The following TP63 variants were observed in gnomAD, a reference collection of about 807,000 sequenced individuals.
The protein encoded by TP63 is tumor protein p63, also known as tumor protein 63.
In TP63, 17 loss-of-function variants were observed where a neutral mutation model predicts 82.8. That is an observed-to-expected ratio of 0.21 (90% CI 0.14 to 0.31). The LOEUF (loss-of-function observed/expected upper bound fraction) is 0.31. Ranked by LOEUF, TP63 falls within the 10% of genes least tolerant of loss-of-function variation. The pLI is 1.00. For missense variants in TP63, 648 were observed against 895.3 expected (o/e 0.72, Z 3.52); for synonymous variants, 330 against 321.7 (o/e 1.03, Z -0.28).
intron 3 of TP63, among the ~76,000 whole-genome samples, chr3:189,763,536 G>A (rs187183698): frequency 1.6e-3 from 250 of 152,294 alleles, no homozygotes; most frequent in South Asian, 9.1e-3. Context: ...TCATGTCAAG[G>A]TAGAGATTGC....
rs76772529 is a variant in TP63, at chr3:189,757,370, G to T, written c.324+18596G>T. Among the ~76,000 whole-genome samples the T allele has an allele frequency of 1.7e-3, 262 of 152,234 alleles. 1 individual carries two copies. In the East Asian group the frequency reaches 0.031, roughly 18 times the overall value. ...GTTATTCAGTATTTGGGTGACCTTG[G>T]GTGAATTACAGAATGTTTCTAAGCC... is the stretch of plus-strand genomic sequence containing the variant. On this transcript the variant is annotated intron_variant, in intron 3 of 13. Coordinates refer to ENST00000264731, the MANE Select transcript of TP63 (RefSeq NM_003722.5).
At chr3:189,786,073 G>A (rs77999853) in intron 3 of TP63, among the ~76,000 whole-genome samples, 18,714 of 151,722 alleles carry the variant, frequency 0.12, 1,245 homozygotes, top group East Asian at 0.32. Flanking sequence ...TTTTCACATA[G>A]GGATGTCAAA....
intron 4 of TP63, among the ~76,000 whole-genome samples, chr3:189,820,027 G>C (rs1728636255): frequency 6.6e-6 from 1 of 152,278 alleles, no homozygotes; most frequent in Middle Eastern, 3.4e-3. Flanking sequence ...GGGATTACAG[G>C]CATGAGCCAC....
At chr3:189,773,805 C>A (rs1329848720) in intron 3 of TP63, among the ~76,000 whole-genome samples, 1 of 151,776 alleles carries the variant, frequency 6.6e-6, no homozygotes, top group African/African-American at 2.4e-5. Context: ...TCAGATCTAA[C>A]CACCCATGCT....
intron 4 of TP63, among the ~76,000 whole-genome samples, chr3:189,815,533 A>G (rs1160311757): frequency 1.3e-5 from 2 of 152,032 alleles, no homozygotes; most frequent in Admixed American, 6.5e-5. Context: ...CACAATATTA[A>G]CTCTTAAATA....
In TP63 at chr3:189,839,060, A is replaced by G. The variant is rs1468840956; in HGVS notation, c.580-25172A>G. ...TAAGCTAAAAAAAAAAAAAAAAAAAAAAAAGAAAAAGAAAAAGTAGATTTA... is the reference window on the plus strand; with the variant it reads ...TAAGCTAAAAAAAAAAAAAAAAAAAGAAAAGAAAAAGAAAAAGTAGATTTA... On this transcript the variant is annotated intron_variant, in intron 4 of 13. Transcript: ENST00000264731. Among the ~76,000 whole-genome samples the G allele has an allele frequency of 1.1e-4, 11 of 96,440 alleles. No homozygotes were observed. The East Asian group carries it at 1.2e-3, about 10-fold the overall frequency. 63.3% of individuals were successfully genotyped at this position (96,440 alleles called of 152,430 possible).
At chr3:189,762,614 T>C (rs913817195) in intron 3 of TP63, among the ~76,000 whole-genome samples, 2 of 152,254 alleles carry the variant, frequency 1.3e-5, no homozygotes, top group Non-Finnish European at 2.9e-5. Context: ...AATATGATTA[T>C]TCAGTGGTTG....
intron 4 of TP63, among the ~76,000 whole-genome samples, chr3:189,839,561 T>C (rs528251290): frequency 6.6e-6 from 1 of 152,242 alleles, no homozygotes; most frequent in Non-Finnish European, 1.5e-5. Flanking sequence ...AAAACGTATC[T>C]TCTTATACGG....
intron 1 of TP63, among the ~76,000 whole-genome samples, chr3:189,725,773 A>T (rs9942139): frequency 1.5e-4 from 23 of 151,940 alleles, no homozygotes; most frequent in Admixed American, 1.2e-3. Flanking sequence ...ATTATTTTGC[A>T]GGCCGGGTGT....
At chr3:189,876,920 A>C (rs1288774105) in intron 10 of TP63, among the ~76,000 whole-genome samples, 1 of 152,200 alleles carries the variant, frequency 6.6e-6, no homozygotes, top group Non-Finnish European at 1.5e-5. Context: ...CTGGTAAGGA[A>C]TCAATTTTGT....
At chr3:189,883,870 A>G (rs1201329832) in intron 10 of TP63, among the ~76,000 whole-genome samples, 3 of 152,002 alleles carry the variant, frequency 2.0e-5, no homozygotes, top group African/African-American at 7.2e-5. Context: ...AAAAATAATA[A>G]CCATAAGCTA....
At chr3:189,771,464 A>G (rs982911780) in intron 3 of TP63, among the ~76,000 whole-genome samples, 4 of 142,492 alleles carry the variant, frequency 2.8e-5, no homozygotes, top group South Asian at 2.1e-4. Context: ...TTAAATATAT[A>G]ATATTTAATA....
Position 189,896,348 on chromosome 3 carries a change from C to A in TP63, c.*1846C>A, listed in dbSNP as rs886058234. ...AACCACACTTGAAACCTTTTTTTAT[C>A]GTTTTTGTATTTTCATGAAAATACC... On this transcript the variant is annotated 3_prime_UTR_variant, in exon 14 of 14. Coordinates refer to ENST00000264731, the MANE Select transcript of TP63 (RefSeq NM_003722.5). 2.5e-5 allele frequency: 5 copies of A among 203,688 alleles called. No homozygotes were observed. Among genetic ancestry groups the A allele is most frequent in the Non-Finnish European group, 5.0e-5 (5 of 99,824 alleles). 12.6% of individuals were successfully genotyped at this position (203,688 alleles called of 1,614,324 possible).
intron 3 of TP63, among the ~76,000 whole-genome samples, chr3:189,741,429 C>G (rs1038155903): frequency 1.6e-5 from 2 of 126,170 alleles, no homozygotes; most frequent in Admixed American, 8.0e-5. Context: ...GATTCTTAGT[C>G]TTTCTGAACT....
Position 189,894,625 on chromosome 3 carries a change from AAGG to A in TP63, c.*126_*128del. 1 of 1,212,964 alleles carries A rather than the reference AAGG, an allele frequency of 8.2e-7. No individual in the cohort carries two copies. Among genetic ancestry groups the A allele is most frequent in the Non-Finnish European group, 1.2e-6 (1 of 863,148 alleles). The allele number at this position is 1,212,964 out of a possible 1,614,324, so 75.1% of individuals were successfully genotyped here. ...TTCCTCTTGTCTGATTTCTTAGGGG[AAGG>A]AGAAGTAAGAGGCTACCTCTTACCT... is the stretch of plus-strand genomic sequence containing the variant. On this transcript the variant is annotated 3_prime_UTR_variant, in exon 14 of 14. Coordinates refer to ENST00000264731, the MANE Select transcript of TP63 (RefSeq NM_003722.5).
intron 3 of TP63, among the ~76,000 whole-genome samples, chr3:189,780,200 A>G (rs1460354378): frequency 6.6e-6 from 1 of 152,200 alleles, no homozygotes; most frequent in African/African-American, 2.4e-5. Flanking sequence ...GTTGGAGATA[A>G]CAGAGGAACT....
At chr3:189,776,813 G>A (rs1249889153) in intron 3 of TP63, among the ~76,000 whole-genome samples, 1 of 152,160 alleles carries the variant, frequency 6.6e-6, no homozygotes, top group Admixed American at 6.5e-5. Flanking sequence ...GGTGGACTTG[G>A]CACACTTCTC....
intron 4 of TP63, among the ~76,000 whole-genome samples, chr3:189,825,229 G>A (rs188867492): frequency 5.9e-5 from 9 of 152,244 alleles, no homozygotes; most frequent in Admixed American, 2.6e-4. Context: ...ATAAAGTTTT[G>A]GAGGAATCAC....
rs1031515995 is a variant in TP63 at position 189,883,228 on chromosome 3, A to G, written c.1350-3166A>G. Among the ~76,000 whole-genome samples, 55 of 152,118 alleles carry G rather than the reference A, an allele frequency of 3.6e-4. 2 individuals are homozygous for G. Reference sequence around the variant, plus strand: ...TTCTTCAAGGCTTTCAAATTGGCTGAGTTTATTCAGCCTTGCTTCCTTTTT... The same window carrying G: ...TTCTTCAAGGCTTTCAAATTGGCTGGGTTTATTCAGCCTTGCTTCCTTTTT... On this transcript the variant is annotated intron_variant, in intron 10 of 13. Transcript: ENST00000264731.
Sources: allele counts gnomAD v4.1 joint callset (sites outside exome capture counted in the v4.1 genomes callset), GRCh38; gene constraint gnomAD v4.1.1; transcripts MANE v1.5; gene names NCBI Gene and HGNC (gene_info 2026-07-23, HGNC 2026-07-21).